Variants in DCTN5 observed in about 807,000 individuals in gnomAD.
The protein encoded by DCTN5 is dynactin 4.
In DCTN5, 14 loss-of-function variants were observed where a neutral mutation model predicts 23.5. The observed-to-expected ratio is 0.60, with a 90% CI of 0.39 to 0.93. DCTN5 has a LOEUF of 0.93. DCTN5 is among the 40% of genes least tolerant of loss of function. The pLI, the probability that DCTN5 is intolerant of heterozygous loss-of-function variation, is 0.00. For synonymous variants in DCTN5, 67 were observed against 79.6 expected (o/e 0.84, Z 0.84); for missense variants, 156 against 225.9 (o/e 0.69, Z 1.98).
rs1473302659 is a variant in DCTN5 at position 23,673,939 on chromosome 16, T to C, written c.*6795T>C. ...TGATGATTGTCTAGTCTAATATGCA[T>C]TTTTTTTGAGTGGGTCAATTGGACT... On this transcript the variant is annotated 3_prime_UTR_variant, in exon 6 of 6. Coordinates refer to ENST00000300087, the MANE Select transcript of DCTN5 (RefSeq NM_032486.4). The C allele has an allele frequency of 2.1e-5, 3 of 144,778 alleles. No homozygotes were observed. Among genetic ancestry groups the C allele is most frequent in the Non-Finnish European group, 4.4e-5 (3 of 67,950 alleles). The allele number at this position is 144,778 out of a possible 1,614,324, so 9.0% of individuals were successfully genotyped here.
intron 3 of DCTN5, among the ~76,000 whole-genome samples, chr16:23,659,311 C>T (rs1205723453): frequency 1.3e-5 from 2 of 152,202 alleles, no homozygotes; most frequent in Admixed American, 1.3e-4. Context: ...AGGGACAGAG[C>T]AGGCAAACTG....
rs1452237290 is a variant in DCTN5, at chr16:23,665,665, G to T, written c.388G>T (p.Asp130Tyr). 6.2e-7 allele frequency: 1 copy of T among 1,614,048 alleles called. No individual in the cohort carries two copies. Among genetic ancestry groups the T allele is most frequent in the Non-Finnish European group, 8.5e-7 (1 of 1,180,002 alleles). ...GTTGAAAGACTGCTGCAAAATTCTTGACAACACAGTATTACCTCCAGAAAC... is the reference window on the plus strand; with the variant it reads ...GTTGAAAGACTGCTGCAAAATTCTTTACAACACAGTATTACCTCCAGAAAC... ...CVLKDCCKILDNTVLPPETVV... is the reference protein window; with the variant it reads ...CVLKDCCKILYNTVLPPETVV... The change falls in exon 5 of 6, where the codon GAC (aspartate) becomes TAC (tyrosine). Residue 130 changes from aspartate to tyrosine, a missense_variant. This residue lies in a region of DCTN5 where 153 missense variants were observed against 206.8 expected (regional missense o/e 0.74). Transcript: ENST00000300087.
chr16:23,658,293 G>A (rs537190974), intron 2 of DCTN5, among the ~76,000 whole-genome samples: 1 of 152,336 alleles, frequency 6.6e-6, no homozygotes, highest in Non-Finnish European at 1.5e-5. Context: ...TAAGGGCAAA[G>A]CTTGTGATGT....
intron 2 of DCTN5, among the ~76,000 whole-genome samples, chr16:23,654,743 A>G (rs913584691): frequency 6.6e-6 from 1 of 152,186 alleles, no homozygotes; most frequent in Non-Finnish European, 1.5e-5. Context: ...CCCATTAATT[A>G]ACCCCTCTTC....
intron 1 of DCTN5, among the ~76,000 whole-genome samples, chr16:23,641,920 G>T (rs1237798522): frequency 1.3e-5 from 2 of 151,972 alleles, no homozygotes; most frequent in Admixed American, 1.3e-4. Context: ...CGCTAAAAAC[G>T]ATTCGGTTCT....
chr16:23,661,377 T>C, intron 4 of DCTN5, 96 bp downstream of exon 4: 1 of 834,290 alleles, frequency 1.2e-6, no homozygotes, highest in South Asian at 1.7e-5. Flanking sequence ...CTAAGCAGGG[T>C]AGCAGTGGTT....
intron 2 of DCTN5, among the ~76,000 whole-genome samples, chr16:23,658,117 TAAG>T (rs967776533): frequency 2.6e-5 from 4 of 152,294 alleles, no homozygotes; most frequent in Admixed American, 2.0e-4. Flanking sequence ...GGTGTAGTGT[TAAG>T]AAAGAAGACA....
rs1004314347 is a variant in DCTN5, at chr16:23,661,482, G to A, written c.348+201G>A. On this transcript the variant is annotated intron_variant, in intron 4 of 5. Coordinates refer to ENST00000300087, the MANE Select transcript of DCTN5 (RefSeq NM_032486.4). ...GCCTGTAATCCCAGCTTTTTGGGAG[G>A]TTGAAGTGGGCAGATCACTTGAGGT... is the stretch of plus-strand genomic sequence containing the variant. Among the ~76,000 whole-genome samples, 15 of 151,740 alleles carry A rather than the reference G, an allele frequency of 9.9e-5. 1 individual carries two copies. Among genetic ancestry groups the A allele is most frequent in the Admixed American group, 4.6e-4 (7 of 15,212 alleles).
At chr16:23,654,091 G>GT (rs747294953) in intron 2 of DCTN5, among the ~76,000 whole-genome samples, 3 of 152,116 alleles carry the variant, frequency 2.0e-5, no homozygotes, top group Non-Finnish European at 2.9e-5. Context: ...TAGTGGGAGT[G>GT]TAACCATTGT....
At chr16:23,648,754 C>A (rs1047865078) in intron 2 of DCTN5, among the ~76,000 whole-genome samples, 1 of 152,140 alleles carries the variant, frequency 6.6e-6, no homozygotes, top group Non-Finnish European at 1.5e-5. Context: ...TCCAAATCCT[C>A]ACTAGTATTT....
At position 23,672,413 on chromosome 16, in the gene DCTN5, T is replaced by G. The variant is rs1344256288; in HGVS notation, c.*5269T>G. The G allele has an allele frequency of 6.6e-6, 1 of 152,198 alleles. No homozygotes were observed. The highest frequency in any genetic ancestry group is 1.5e-5 in the Non-Finnish European group (1 of 68,044). The allele number at this position is 152,198 out of a possible 1,614,324, so 9.4% of individuals were successfully genotyped here. ...TGAGGCACAGAGAGATTAAGTACTT[T>G]CCCAAGGTCATACAGCTAGTGATGG... On this transcript the variant is annotated 3_prime_UTR_variant, in exon 6 of 6. Transcript: ENST00000300087.
At chr16:23,654,701 T>C (rs1967667823) in intron 2 of DCTN5, among the ~76,000 whole-genome samples, 1 of 152,154 alleles carries the variant, frequency 6.6e-6, no homozygotes, top group South Asian at 2.1e-4. Context: ...AAATTCTAGG[T>C]CTTATTTCTT....
At chr16:23,660,533 A>G (rs1355509834) in intron 3 of DCTN5, among the ~76,000 whole-genome samples, 1 of 152,210 alleles carries the variant, frequency 6.6e-6, no homozygotes, top group African/African-American at 2.4e-5. Flanking sequence ...TCCTAAATCC[A>G]TGGACTAGGT....
At chr16:23,649,005 A>G (rs1967539255) in intron 2 of DCTN5, among the ~76,000 whole-genome samples, 2 of 151,808 alleles carry the variant, frequency 1.3e-5, no homozygotes, top group African/African-American at 4.8e-5. Flanking sequence ...CTACAGGCGC[A>G]CACCACCATG....
rs535861492 is a variant in DCTN5 at position 23,657,282 on chromosome 16, T to C, written c.118-1225T>C. Among the ~76,000 whole-genome samples, 48 of 152,236 alleles carry C rather than the reference T, an allele frequency of 3.2e-4. 1 individual carries two copies. The East Asian group carries it at 7.9e-3, about 25-fold the overall frequency. On this transcript the variant is annotated intron_variant, in intron 2 of 5. Transcript: ENST00000300087. Reference sequence around the variant, plus strand: ...ACCAGCGTGGGCAACATAGTGAGACTCCATCTCTACAAAACATTTAAAAAT... The same window carrying C: ...ACCAGCGTGGGCAACATAGTGAGACCCCATCTCTACAAAACATTTAAAAAT...
chr16:23,654,577 A>G (rs1967665359), intron 2 of DCTN5, among the ~76,000 whole-genome samples: 1 of 152,156 alleles, frequency 6.6e-6, no homozygotes, highest in South Asian at 2.1e-4. Flanking sequence ...TACCTATGTA[A>G]CAAACCTGCA....
intron 2 of DCTN5, chr16:23,650,826 C>T (rs773447511): frequency 1.3e-6 from 2 of 1,492,658 alleles, no homozygotes; most frequent in Admixed American, 2.0e-5. Context: ...AGAAAGAGAT[C>T]AGATGAGTCA....
At chr16:23,644,660 T>G (rs940016113) in intron 2 of DCTN5, among the ~76,000 whole-genome samples, 4 of 151,698 alleles carry the variant, frequency 2.6e-5, no homozygotes, top group African/African-American at 9.7e-5. Context: ...GGTCTTGAAC[T>G]CCTCACCTCA....
At chr16:23,648,263 C>T (rs759417340) in intron 2 of DCTN5, among the ~76,000 whole-genome samples, 100 of 151,878 alleles carry the variant, frequency 6.6e-4, no homozygotes, top group Non-Finnish European at 1.0e-3. Flanking sequence ...CAGGCTCAGG[C>T]GAACCTCCCA....
Sources: allele counts gnomAD v4.1 joint callset (sites outside exome capture counted in the v4.1 genomes callset), GRCh38; gene constraint gnomAD v4.1.1; regional missense constraint gnomAD v4.1.1; transcripts MANE v1.5; gene names NCBI Gene and HGNC (gene_info 2026-07-23, HGNC 2026-07-21).